Variants in SLC5A4 observed in about 807,000 individuals in gnomAD.
The protein encoded by SLC5A4 is probable glucose sensor protein SLC5A4.
Under a neutral mutation model 70.3 loss-of-function variants are expected in SLC5A4, and 55 were observed. That is an observed-to-expected ratio of 0.78 (90% CI 0.63 to 0.98). SLC5A4 has a LOEUF of 0.98. Ranked by LOEUF, SLC5A4 falls within the 50% of genes least tolerant of loss-of-function variation. The pLI, the probability that SLC5A4 is intolerant of heterozygous loss-of-function variation, is 0.00. For synonymous variants in SLC5A4, 268 were observed against 305.7 expected (o/e 0.88, Z 1.29); for missense variants, 735 against 839.2 (o/e 0.88, Z 1.53).
At chr22:32,264,158 G>T in the SLC5A4 span, among the ~76,000 whole-genome samples, 4 of 151,248 alleles carry the variant, frequency 2.6e-5, no homozygotes, top group Admixed American at 2.6e-4. Context: ...TGCATGTTCT[G>T]CATATGTACC....
In SLC5A4 at chr22:32,235,008, T is replaced by A; in HGVS notation, c.750A>T (p.Thr250=). ...GAGGTGTGTAGCAACTGGCACTGAT[T>A]GTCAAGTTGTCCCCCTCGACTACGG... ...TPSVVEGDNL[T]ISASCYTPRA... is the part of the protein sequence containing the mutation. The change falls in exon 8 of 15, where the codon ACA becomes ACT. Residue 250 remains threonine, a synonymous_variant. Transcript: ENST00000266086. 1.2e-6 allele frequency: 2 copies of A among 1,613,768 alleles called. No individual in the cohort carries two copies. Among genetic ancestry groups the A allele is most frequent in the South Asian group, 2.2e-5 (2 of 91,050 alleles).
At chr22:32,270,894 C>T in the SLC5A4 span, 28 of 563,114 alleles carry the variant, frequency 5.0e-5, no homozygotes, top group East Asian at 6.0e-4. Context: ...AACGTGATCA[C>T]GCTGTGCCTG....
At chr22:32,300,296 C>T in the SLC5A4 span, among the ~76,000 whole-genome samples, 1 of 149,994 alleles carries the variant, frequency 6.7e-6, no homozygotes, top group Admixed American at 6.7e-5. Flanking sequence ...GCTGTGCTAG[C>T]TAGCAATCAG....
At chr22:32,232,778 A>G in intron 9 of SLC5A4, 121 bp downstream of exon 9, 1 of 1,282,834 alleles carries the variant, frequency 7.8e-7, no homozygotes, top group Non-Finnish European at 1.1e-6. Context: ...TGCTCCCTCC[A>G]CCTGGAAGTC....
the SLC5A4 span, among the ~76,000 whole-genome samples, chr22:32,346,865 A>C: frequency 6.7e-6 from 1 of 149,470 alleles, no homozygotes; most frequent in Admixed American, 6.7e-5. Flanking sequence ...GGATCTAATT[A>C]AACTAAAGAG....
the SLC5A4 span, among the ~76,000 whole-genome samples, chr22:32,262,801 A>G: frequency 6.6e-6 from 1 of 151,798 alleles, no homozygotes; most frequent in Non-Finnish European, 1.5e-5. Context: ...ACAGAGTCTC[A>G]CTCTGTTGCC....
the SLC5A4 span, among the ~76,000 whole-genome samples, chr22:32,348,949 A>C: frequency 1.3e-5 from 2 of 152,200 alleles, no homozygotes; most frequent in Non-Finnish European, 2.9e-5. Flanking sequence ...AATAATACTT[A>C]AAATTTCTAA....
the SLC5A4 span, among the ~76,000 whole-genome samples, chr22:32,324,015 T>C: frequency 6.6e-6 from 1 of 152,206 alleles, no homozygotes; most frequent in African/African-American, 2.4e-5. Flanking sequence ...GCGGTGTCCC[T>C]GGAGGGCAAA....
the SLC5A4 span, among the ~76,000 whole-genome samples, chr22:32,291,010 T>A: frequency 2.8e-4 from 42 of 152,256 alleles, 1 homozygote; most frequent in South Asian, 8.7e-3. Flanking sequence ...GGTGTCTTCT[T>A]TTTAATTTCT....
intron 5 of SLC5A4, 60 bp from the exon 6 acceptor site, chr22:32,239,150 G>A: frequency 8.2e-7 from 1 of 1,214,768 alleles, no homozygotes; most frequent in Non-Finnish European, 1.2e-6. Context: ...TGGCTTCTCT[G>A]CCCCAATGTC....
rs751207278 is a variant in SLC5A4, at chr22:32,238,973, C to T, written c.583+12G>A. 1.9e-6 allele frequency: 3 copies of T among 1,594,030 alleles called. No homozygotes were observed. In the African/African-American group the frequency reaches 4.0e-5, roughly 21 times the overall value. The stretch of plus-strand genomic sequence containing the variant: ...AGATAGCCTGAGTGAGCAAAATATG[C>T]AACATACTTACCAGTGGTGGTGTAA... On this transcript the variant is annotated intron_variant, in intron 6 of 14. Coordinates refer to ENST00000266086, the MANE Select transcript of SLC5A4 (RefSeq NM_014227.3).
At chr22:32,220,022 T>A (rs2123858022) in intron 14 of SLC5A4, among the ~76,000 whole-genome samples, 1 of 119,462 alleles carries the variant, frequency 8.4e-6, no homozygotes, top group Middle Eastern at 4.1e-3. Flanking sequence ...GATCAGTAAT[T>A]AAGATGTGCA....
intron 5 of SLC5A4, among the ~76,000 whole-genome samples, chr22:32,243,341 A>C (rs1488476122): frequency 6.6e-6 from 1 of 152,210 alleles, no homozygotes; most frequent in East Asian, 1.9e-4. Context: ...AAAGGAGGCT[A>C]AAGACACTTG....
chr22:32,263,680 C>G, the SLC5A4 span, among the ~76,000 whole-genome samples: 1 of 152,090 alleles, frequency 6.6e-6, no homozygotes, highest in Non-Finnish European at 1.5e-5. Flanking sequence ...ACTATTTGAC[C>G]CAGCAATCCC....
At chr22:32,341,702 C>G in the SLC5A4 span, among the ~76,000 whole-genome samples, 1 of 152,218 alleles carries the variant, frequency 6.6e-6, no homozygotes, top group Admixed American at 6.5e-5. Flanking sequence ...GCCTAAATGG[C>G]CCCTTATGTT....
chr22:32,342,405 T>C, the SLC5A4 span, among the ~76,000 whole-genome samples: 2 of 152,144 alleles, frequency 1.3e-5, no homozygotes, highest in Non-Finnish European at 2.9e-5. Context: ...AACTAATCTA[T>C]GTGAATGAGA....
intron 13 of SLC5A4, among the ~76,000 whole-genome samples, chr22:32,222,586 CAT>C (rs535875783): frequency 6.6e-6 from 1 of 152,050 alleles, no homozygotes; most frequent in African/African-American, 2.4e-5. Flanking sequence ...AAGAATTTAA[CAT>C]ATATATATTT....
intron 3 of SLC5A4, among the ~76,000 whole-genome samples, chr22:32,250,746 A>G (rs907291451): frequency 6.6e-6 from 1 of 152,200 alleles, no homozygotes; most frequent in African/African-American, 2.4e-5. Context: ...AAAATGTGGC[A>G]CATATATACC....
chr22:32,270,973 C>T, the SLC5A4 span: 89 of 533,354 alleles, frequency 1.7e-4, no homozygotes, highest in East Asian at 3.4e-3. Context: ...AGCTAGGGGG[C>T]CACAGTGGCT....
Sources: gnomAD v4.1 joint callset for allele counts (sites outside exome capture counted in the v4.1 genomes callset) on GRCh38, gnomAD v4.1.1 for gene constraint, MANE v1.5 for transcripts, NCBI Gene and HGNC (gene_info 2026-07-23, HGNC 2026-07-21) for gene names.